The following PTGR1 variants were observed in gnomAD, a reference collection of about 807,000 sequenced individuals.
The protein encoded by PTGR1 is 15-oxoprostaglandin 13-reductase.
In PTGR1, 23 loss-of-function variants were observed where a neutral mutation model predicts 37.7. The ratio of observed to expected loss-of-function variants is 0.61; its 90% CI spans 0.44 to 0.86. PTGR1 has a LOEUF of 0.86. Ranked by LOEUF, PTGR1 falls within the 40% of genes least tolerant of loss-of-function variation. The pLI, the probability that PTGR1 is intolerant of heterozygous loss-of-function variation, is 0.00. For synonymous variants in PTGR1, 134 were observed against 140.0 expected (o/e 0.96, Z 0.30); for missense variants, 351 against 394.3 (o/e 0.89, Z 0.93).
At chr9:111,579,140 C>T (rs1313472854) in intron 6 of PTGR1, among the ~76,000 whole-genome samples, 189 bp from the exon 7 acceptor site, 1 of 151,686 alleles carries the variant, frequency 6.6e-6, no homozygotes, top group Non-Finnish European at 1.5e-5. Flanking sequence ...CATCCTACAA[C>T]TCAGCTTCAG....
chr9:111,597,243 G>C (rs2132449074), intron 2 of PTGR1, 74 bp downstream of exon 2: 2 of 1,134,506 alleles, frequency 1.8e-6, no homozygotes, highest in Non-Finnish European at 2.6e-6. Context: ...CTAAACTTTG[G>C]GGTAGTTTGT....
chr9:111,574,731 T>C lies in PTGR1; in HGVS notation c.760+3A>G, dbSNP rs775254903. 2 of 1,608,332 alleles carry C rather than the reference T, an allele frequency of 1.2e-6. No homozygotes were observed. The highest frequency in any genetic ancestry group is 1.7e-6 in the Non-Finnish European group (2 of 1,175,874). ...TATGGGATCGTGTGCATGTGCTCAT[T>C]ACCTGGGGGAAGTGGGCCGGTTCTG... On this transcript the variant is annotated splice_donor_region_variant and intron_variant, in intron 8 of 9. Transcript: ENST00000407693.
chr9:111,589,790 G>A (rs1031959164), intron 4 of PTGR1, among the ~76,000 whole-genome samples: 2 of 151,698 alleles, frequency 1.3e-5, no homozygotes, highest in Non-Finnish European at 1.5e-5. Flanking sequence ...GCCCACCACT[G>A]TGCCCAGCTA....
intron 9 of PTGR1, among the ~76,000 whole-genome samples, chr9:111,556,881 A>G (rs894927002): frequency 1.3e-5 from 2 of 152,232 alleles, no homozygotes; most frequent in Non-Finnish European, 2.9e-5. Context: ...GAGTCAATTA[A>G]GCCCAAGCTA....
chr9:111,557,384 A>G (rs1828154884), intron 9 of PTGR1, among the ~76,000 whole-genome samples: 1 of 151,974 alleles, frequency 6.6e-6, no homozygotes. Context: ...CAGTAAAAAA[A>G]AAAAGATGAC....
At chr9:111,553,368 T>C (rs142331093) in intron 9 of PTGR1, among the ~76,000 whole-genome samples, 2 of 152,310 alleles carry the variant, frequency 1.3e-5, no homozygotes, top group South Asian at 2.1e-4. Context: ...AATTTAAATA[T>C]TTTTTCATTT....
At chr9:111,555,059 C>T (rs1401321203) in intron 9 of PTGR1, among the ~76,000 whole-genome samples, 10 of 152,124 alleles carry the variant, frequency 6.6e-5, no homozygotes, top group African/African-American at 1.7e-4. Flanking sequence ...CCATTACTGG[C>T]GAGCAGGCAG....
In PTGR1 at chr9:111,578,966, A is replaced by G; in HGVS notation, c.496-15T>C. 2 of 1,571,130 alleles carry G rather than the reference A, an allele frequency of 1.3e-6. No individual in the cohort carries two copies. Among genetic ancestry groups the G allele is most frequent in the Non-Finnish European group, 1.7e-6 (2 of 1,168,346 alleles). On this transcript the variant is annotated splice_polypyrimidine_tract_variant and intron_variant, in intron 6 of 9. Transcript: ENST00000407693. ...ACTTTGCAGCCCTAAGTAGAAAAAA[A>G]AAAAAAAAGGAAACCATGAATAAGT...
At position 111,574,666 on chromosome 9, in the gene PTGR1, G is replaced by A. The variant is rs146290816; in HGVS notation, c.760+68C>T. 9.0e-5 allele frequency: 93 copies of A among 1,035,038 alleles called. No individual in the cohort carries two copies. The African/African-American group carries it at 1.4e-3, about 16-fold the overall frequency. The allele number at this position is 1,035,038 out of a possible 1,614,324, so 64.1% of individuals were successfully genotyped here. A position where few individuals can be genotyped will look rare whatever the true frequency, so the allele number is the denominator to read the frequency against. On this transcript the variant is annotated intron_variant, in intron 8 of 9. Transcript: ENST00000407693. ...AATAATTTCAGAGTCACTGGCCTAT[G>A]GCATATCTGTGAATTTTCTCCTTGT...
intron 4 of PTGR1, among the ~76,000 whole-genome samples, chr9:111,591,908 C>T (rs1216141878): frequency 3.9e-5 from 6 of 152,270 alleles, no homozygotes; most frequent in Admixed American, 1.3e-4. Flanking sequence ...CAGAATGAGC[C>T]AACAGCGTGT....
downstream of PTGR1, among the ~76,000 whole-genome samples, chr9:111,561,214 A>G (rs1828313260): frequency 6.8e-6 from 1 of 147,996 alleles, no homozygotes; most frequent in Admixed American, 6.8e-5. Flanking sequence ...AGAGTATGGT[A>G]CCTTTCCATA....
intron 8 of PTGR1, among the ~76,000 whole-genome samples, chr9:111,570,603 C>A (rs1333221394): frequency 6.6e-6 from 1 of 150,490 alleles, no homozygotes; most frequent in African/African-American, 2.4e-5. Flanking sequence ...ACCCCCGTCT[C>A]TTCTAAAAAT....
In PTGR1 at chr9:111,570,161, A is replaced by G. The variant is rs757163811; in HGVS notation, c.809T>C (p.Phe270Ser). 1 of 1,614,126 alleles carries G rather than the reference A, an allele frequency of 6.2e-7. No homozygotes were observed. Among genetic ancestry groups the G allele is most frequent in the Non-Finnish European group, 8.5e-7 (1 of 1,180,016 alleles). Residue 270 changes from phenylalanine to serine, a missense_variant, in exon 9 of 10, where the codon TTT becomes TCT. Physicochemically the swap from Phe to Ser is radical, Grantham distance 155. Coordinates refer to ENST00000407693, the MANE Select transcript of PTGR1 (RefSeq NM_001146108.2). ...ATCTCCTTGCCAGCGGTAGACGACAAAAGCTTCCATGCGAAGCTCCTGATA... is the reference window on the plus strand; with the variant it reads ...ATCTCCTTGCCAGCGGTAGACGACAGAAGCTTCCATGCGAAGCTCCTGATA... ...VIYQELRMEA[F>S]VVYRWQGDAR... is the part of the protein sequence containing the mutation.
intron 1 of PTGR1, 42 bp downstream of exon 1, chr9:111,599,561 G>A (rs986484348): frequency 1.3e-5 from 2 of 152,690 alleles, no homozygotes; most frequent in African/African-American, 4.8e-5. Context: ...GGGGTTAGAG[G>A]AGGGAGAAAA....
chr9:111,583,190 C>T (rs985405713), intron 6 of PTGR1, among the ~76,000 whole-genome samples: 3 of 152,170 alleles, frequency 2.0e-5, no homozygotes, highest in Non-Finnish European at 2.9e-5. Context: ...TAAGCTGTAG[C>T]GATAGAATGT....
Position 111,583,528 on chromosome 9 carries a change from C to T in PTGR1, c.439G>A (p.Val147Ile), listed in dbSNP as rs747989600. 6.2e-7 allele frequency: 1 copy of T among 1,614,144 alleles called. No individual in the cohort carries two copies. The highest frequency in any genetic ancestry group is 8.5e-7 in the Non-Finnish European group (1 of 1,179,992). ...CGVKGGETVM[V>I]NAAAGAVGSV... is the part of the protein sequence containing the mutation. ...CCCACAGCTCCAGCTGCTGCATTAACCATCACTGTTTCTCCACCCTTCACA... is the reference window on the plus strand; with the variant it reads ...CCCACAGCTCCAGCTGCTGCATTAATCATCACTGTTTCTCCACCCTTCACA... The change falls in exon 6 of 10, where the codon GTT becomes ATT. Residue 147 changes from valine to isoleucine, a missense_variant. Physicochemically the swap from Val to Ile is conservative, Grantham distance 29. Coordinates refer to ENST00000407693, the MANE Select transcript of PTGR1 (RefSeq NM_001146108.2).
At chr9:111,569,552 C>T (rs1011777342) in intron 9 of PTGR1, among the ~76,000 whole-genome samples, 14 of 152,058 alleles carry the variant, frequency 9.2e-5, no homozygotes, top group Admixed American at 5.9e-4. Context: ...CTGAGGCGGG[C>T]GCATCACTTG....
chr9:111,561,242 G>A (rs938293021), downstream of PTGR1, among the ~76,000 whole-genome samples: 3 of 150,144 alleles, frequency 2.0e-5, no homozygotes, highest in Admixed American at 2.0e-4. Flanking sequence ...GTCTTCTTTT[G>A]TGTTCATCAG....
chr9:111,583,095 G>A (rs1409615288), intron 6 of PTGR1, among the ~76,000 whole-genome samples: 6 of 152,264 alleles, frequency 3.9e-5, no homozygotes, highest in Non-Finnish European at 8.8e-5. Context: ...AGCCTTGGCA[G>A]TGGGGCCACG....
Sources: gnomAD v4.1 joint callset for allele counts (sites outside exome capture counted in the v4.1 genomes callset) on GRCh38, gnomAD v4.1.1 for gene constraint, MANE v1.5 for transcripts, NCBI Gene and HGNC (gene_info 2026-07-23, HGNC 2026-07-21) for gene names.